Variants in SGMS1 observed in about 807,000 individuals in gnomAD.
SGMS1 encodes phosphatidylcholine:ceramide cholinephosphotransferase 1.
In SGMS1, 13 loss-of-function variants were observed where a neutral mutation model predicts 46.2. That is an observed-to-expected ratio of 0.28 (90% CI 0.18 to 0.45). SGMS1 has a LOEUF of 0.45. SGMS1 is among the 20% of genes least tolerant of loss of function. The pLI, the probability that SGMS1 is intolerant of heterozygous loss-of-function variation, is 1.00. For missense variants in SGMS1, 324 were observed against 519.9 expected (o/e 0.62, Z 3.66); for synonymous variants, 203 against 187.8 (o/e 1.08, Z -0.66).
intron 2 of SGMS1, among the ~76,000 whole-genome samples, chr10:50,528,385 T>G (rs1254493937): frequency 6.6e-6 from 1 of 152,156 alleles, no homozygotes; most frequent in Non-Finnish European, 1.5e-5. Context: ...ATGGTACTGA[T>G]TTTACATATG....
intron 6 of SGMS1, among the ~76,000 whole-genome samples, chr10:50,404,510 C>A (rs1208124860): frequency 6.6e-6 from 1 of 151,804 alleles, no homozygotes; most frequent in Non-Finnish European, 1.5e-5. Context: ...TTGGGAGGAG[C>A]GAGCATTGCT....
chr10:50,521,961 A>C (rs751196697), intron 2 of SGMS1, among the ~76,000 whole-genome samples: 8 of 152,142 alleles, frequency 5.3e-5, no homozygotes, highest in Non-Finnish European at 1.0e-4. Flanking sequence ...GACCATGTAA[A>C]TATCTTGTCC....
intron 3 of SGMS1, among the ~76,000 whole-genome samples, chr10:50,513,299 T>C (rs1424379255): frequency 6.6e-6 from 1 of 152,130 alleles, no homozygotes; most frequent in Non-Finnish European, 1.5e-5. Flanking sequence ...AACAGCGAAG[T>C]AGGTAGAAGT....
At chr10:50,596,795 C>G (rs1838599042) in intron 1 of SGMS1, among the ~76,000 whole-genome samples, 1 of 152,162 alleles carries the variant, frequency 6.6e-6, no homozygotes, top group African/African-American at 2.4e-5. Flanking sequence ...TCTTAAAACC[C>G]CTCACTCAAC....
At chr10:50,327,854 G>A (rs1297368889) in intron 7 of SGMS1, among the ~76,000 whole-genome samples, 1 of 152,280 alleles carries the variant, frequency 6.6e-6, no homozygotes, top group South Asian at 2.1e-4. Context: ...TGGAAAAACA[G>A]CATTCAATCT....
intron 2 of SGMS1, among the ~76,000 whole-genome samples, chr10:50,580,429 C>CCG (rs1026192002): frequency 1.3e-5 from 2 of 151,622 alleles, no homozygotes; most frequent in South Asian, 2.1e-4. Flanking sequence ...TAGGGACCCC[C>CCG]CCCCAAACCC....
chr10:50,552,689 G>A lies in SGMS1; in HGVS notation c.-588-32768C>T, dbSNP rs187020128. Among the ~76,000 whole-genome samples, 80 of 152,230 alleles carry A rather than the reference G, an allele frequency of 5.3e-4. 1 individual carries two copies. The highest frequency in any genetic ancestry group is 4.4e-3 in the South Asian group (21 of 4,822). ...TAGGCTAAATAGTGCCCCGTCCCCCGCCAAAAGATATCCATGTCCTAATCC... is the reference window on the plus strand; with the variant it reads ...TAGGCTAAATAGTGCCCCGTCCCCCACCAAAAGATATCCATGTCCTAATCC... On this transcript the variant is annotated intron_variant, in intron 2 of 10. Transcript: ENST00000361781.
At chr10:50,497,444 C>G (rs1837624262) in intron 3 of SGMS1, among the ~76,000 whole-genome samples, 1 of 152,200 alleles carries the variant, frequency 6.6e-6, no homozygotes, top group Non-Finnish European at 1.5e-5. Context: ...CCATATGGAG[C>G]TGAACAGAAC....
intron 1 of SGMS1, among the ~76,000 whole-genome samples, chr10:50,593,351 G>A (rs191013917): frequency 2.0e-4 from 30 of 152,240 alleles, no homozygotes; most frequent in African/African-American, 7.2e-4. Context: ...GCCTACTCAT[G>A]GAATCTAAGT....
In SGMS1 at chr10:50,341,814, G is replaced by C. The variant is rs138133964; in HGVS notation, c.623+1678C>G. Among the ~76,000 whole-genome samples, 5 of 152,208 alleles carry C rather than the reference G, an allele frequency of 3.3e-5. No homozygotes were observed. The East Asian group carries it at 9.7e-4, about 29-fold the overall frequency. On this transcript the variant is annotated intron_variant, in intron 7 of 10. Transcript: ENST00000361781. Reference sequence around the variant, plus strand: ...AACGCAAAATCATAAAGCTTAAAGAGAAATAGATTTGAGGAAAATTTCCTG... The same window carrying C: ...AACGCAAAATCATAAAGCTTAAAGACAAATAGATTTGAGGAAAATTTCCTG...
At chr10:50,540,736 C>G (rs753644085) in intron 2 of SGMS1, among the ~76,000 whole-genome samples, 3 of 152,046 alleles carry the variant, frequency 2.0e-5, no homozygotes, top group African/African-American at 7.2e-5. Flanking sequence ...CCAGGTCATG[C>G]GAGTCACTAA....
At chr10:50,584,556 C>A (rs1223424728) in intron 2 of SGMS1, among the ~76,000 whole-genome samples, 1 of 140,400 alleles carries the variant, frequency 7.1e-6, no homozygotes. Flanking sequence ...ATTTTGGCAA[C>A]AAAACAAACC....
intron 2 of SGMS1, among the ~76,000 whole-genome samples, chr10:50,574,490 T>C (rs1838362919): frequency 6.6e-6 from 1 of 152,144 alleles, no homozygotes; most frequent in Non-Finnish European, 1.5e-5. Context: ...AGACAAAAGA[T>C]AACAAGTGCT....
At position 50,440,350 on chromosome 10, in the gene SGMS1, C is replaced by T. The variant is rs960650633; in HGVS notation, c.-312-6794G>A. Among the ~76,000 whole-genome samples, 8 of 151,516 alleles carry T rather than the reference C, an allele frequency of 5.3e-5. 1 individual carries two copies. Among genetic ancestry groups the T allele is most frequent in the Admixed American group, 6.6e-5 (1 of 15,220 alleles). ...CTCCTTCCTAATCCTTTTCTCAGTA[C>T]CAAGAATAAATATATGTTAAAAACA... On this transcript the variant is annotated intron_variant, in intron 5 of 10. Transcript: ENST00000361781.
At chr10:50,498,686 T>A (rs373897869) in intron 3 of SGMS1, among the ~76,000 whole-genome samples, 1 of 152,178 alleles carries the variant, frequency 6.6e-6, no homozygotes, top group Non-Finnish European at 1.5e-5. Context: ...TATGCAAACA[T>A]CCTATTTTGT....
intron 6 of SGMS1, among the ~76,000 whole-genome samples, chr10:50,407,155 GC>G (rs2133557623): frequency 6.6e-6 from 1 of 152,294 alleles, no homozygotes; most frequent in East Asian, 1.9e-4. Context: ...AAGTAAAAGA[GC>G]AAGAATTAGC....
intron 8 of SGMS1, among the ~76,000 whole-genome samples, chr10:50,318,765 T>A (rs1024753595): frequency 6.6e-6 from 1 of 152,206 alleles, no homozygotes; most frequent in African/African-American, 2.4e-5. Flanking sequence ...AAAATAGACT[T>A]TTCCCTTCAC....
At chr10:50,373,734 G>T (rs1275025004) in intron 6 of SGMS1, among the ~76,000 whole-genome samples, 1 of 152,128 alleles carries the variant, frequency 6.6e-6, no homozygotes, top group African/African-American at 2.4e-5. Context: ...GGGAGAAAAA[G>T]ATTCTGTCAG....
At chr10:50,422,491 G>A (rs1849270304) in intron 6 of SGMS1, among the ~76,000 whole-genome samples, 1 of 152,174 alleles carries the variant, frequency 6.6e-6, no homozygotes, top group Non-Finnish European at 1.5e-5. Context: ...CTAAAAGGAA[G>A]TGGAGTTTAC....
Sources: allele counts gnomAD v4.1 joint callset (sites outside exome capture counted in the v4.1 genomes callset), GRCh38; gene constraint gnomAD v4.1.1; transcripts MANE v1.5; gene names NCBI Gene and HGNC (gene_info 2026-07-23, HGNC 2026-07-21).